GPATCH8: variants seen among roughly 807,000 people sequenced by gnomAD.
GPATCH8 encodes G patch domain-containing protein 8.
In GPATCH8, 18 loss-of-function variants were observed where a neutral mutation model predicts 118.3. The ratio of observed to expected loss-of-function variants is 0.15; its 90% CI spans 0.11 to 0.23. The LOEUF is 0.23. Among genes scored for constraint, GPATCH8 ranks in the 10% least tolerant of loss-of-function variants. The probability of loss-of-function intolerance (pLI) is 1.00; values close to 1 mark genes in which losing one functional copy is unlikely to be tolerated. For synonymous variants in GPATCH8, 659 were observed against 684.7 expected (o/e 0.96, Z 0.59); for missense variants, 1,631 against 1,873.8 (o/e 0.87, Z 2.39).
intron 1 of GPATCH8, among the ~76,000 whole-genome samples, chr17:44,494,562 A>G (rs1969521098): frequency 6.6e-6 from 1 of 152,196 alleles, no homozygotes; most frequent in Non-Finnish European, 1.5e-5. Flanking sequence ...ATTGCACTCC[A>G]GCCTGGGCAA....
At chr17:44,433,051 T>C (rs1400323825) in intron 5 of GPATCH8, among the ~76,000 whole-genome samples, 1 of 152,090 alleles carries the variant, frequency 6.6e-6, no homozygotes, top group Non-Finnish European at 1.5e-5. Flanking sequence ...TCTTGCTACA[T>C]TGCCCAGACT....
intron 3 of GPATCH8, 180 bp from the exon 4 acceptor site, chr17:44,436,725 C>T: frequency 1.6e-6 from 1 of 636,980 alleles, no homozygotes. Context: ...CTAGTTTAAA[C>T]CCAATTAACC....
intron 1 of GPATCH8, among the ~76,000 whole-genome samples, chr17:44,489,515 A>G (rs1327263848): frequency 6.6e-6 from 1 of 151,830 alleles, no homozygotes; most frequent in South Asian, 2.1e-4. Flanking sequence ...TAATTTTTGT[A>G]TTTTAGTAGA....
At position 44,503,317 on chromosome 17, in the gene GPATCH8, C is replaced by T. The variant is rs1488451178; in HGVS notation, c.45+9G>A. On this transcript the variant is annotated intron_variant, in intron 1 of 7. Transcript: ENST00000591680. The stretch of plus-strand genomic sequence containing the variant: ...CCTTCCCCGCATCCTCGGCGACGCC[C>T]GTGTTTACCTGAAAGTCTCGGTCTT... The T allele has an allele frequency of 6.2e-7, 1 of 1,608,814 alleles. No individual in the cohort carries two copies. The highest frequency in any genetic ancestry group is 1.1e-5 in the South Asian group (1 of 89,758).
chr17:44,418,584 A>G (rs2049776851), intron 6 of GPATCH8, among the ~76,000 whole-genome samples: 1 of 151,636 alleles, frequency 6.6e-6, no homozygotes, highest in Admixed American at 6.6e-5. Flanking sequence ...CCTCCCCAGT[A>G]GCTGGGACTA....
At chr17:44,433,416 T>A (rs1677884798) in intron 5 of GPATCH8, among the ~76,000 whole-genome samples, 1 of 152,184 alleles carries the variant, frequency 6.6e-6, no homozygotes, top group Admixed American at 6.5e-5. Context: ...ATAGACATAC[T>A]CTCTCTCCTC....
Position 44,474,898 on chromosome 17 carries a change from AT to A in GPATCH8, c.50del (p.Asn17IlefsTer22). ...RFNEDRDFQG[N>X]HFDQYEEGHL... ...GTCCTTCCTCATACTGATCAAAGTG[AT>A]TACCCTGAAAAAAGATGATTACAGT... On this transcript the variant is annotated frameshift_variant, in exon 2 of 8. Coordinates refer to ENST00000591680, the MANE Select transcript of GPATCH8 (RefSeq NM_001002909.4). LOFTEE classifies it high-confidence loss of function. 1 of 1,512,556 alleles carries A rather than the reference AT, an allele frequency of 6.6e-7. No homozygotes were observed. Among genetic ancestry groups the A allele is most frequent in the Non-Finnish European group, 9.2e-7 (1 of 1,087,714 alleles). The allele number at this position is 1,512,556 out of a possible 1,614,324, so 93.7% of individuals were successfully genotyped here. A position where few individuals can be genotyped will look rare whatever the true frequency, so the allele number is the denominator to read the frequency against.
At chr17:44,479,688 G>C (rs1234095274) in intron 1 of GPATCH8, among the ~76,000 whole-genome samples, 1 of 152,198 alleles carries the variant, frequency 6.6e-6, no homozygotes. Context: ...AAAATTGATG[G>C]CTGGGCAAGG....
intron 2 of GPATCH8, chr17:44,474,420 A>C: frequency 4.0e-6 from 1 of 252,424 alleles, no homozygotes; most frequent in Non-Finnish European, 7.8e-6. Context: ...TATAACATTT[A>C]AAAAAAAATT....
chr17:44,414,773 T>G (rs1207363373), intron 6 of GPATCH8, among the ~76,000 whole-genome samples: 4 of 152,244 alleles, frequency 2.6e-5, no homozygotes, highest in African/African-American at 9.6e-5. Flanking sequence ...AGGAATCTAC[T>G]AATCAGCTTT....
rs751788553 is a variant in GPATCH8, at chr17:44,424,458, G to C, written c.383C>G (p.Ala128Gly). ...AAAGTTGGCTCTGAGGTCTTCCAAGGCTTTGGCAATTGCCTTCTCTTTGTC... is the reference window on the plus strand; with the variant it reads ...AAAGTTGGCTCTGAGGTCTTCCAAGCCTTTGGCAATTGCCTTCTCTTTGTC... ...YVDKEKAIAK[A>G]LEDLRANFYC... Residue 128 changes from alanine to glycine, a missense_variant, in exon 6 of 8, where the codon GCC (alanine) becomes GGC (glycine). Physicochemically the swap from Ala to Gly is moderately conservative, Grantham distance 60. Coordinates refer to ENST00000591680, the MANE Select transcript of GPATCH8 (RefSeq NM_001002909.4). The C allele has an allele frequency of 6.2e-7, 1 of 1,606,862 alleles. No individual in the cohort carries two copies. The highest frequency in any genetic ancestry group is 1.1e-5 in the South Asian group (1 of 90,940).
rs1375002186 is a variant in GPATCH8 at position 44,395,736 on chromosome 17, G to A, written c.*1832C>T. On this transcript the variant is annotated 3_prime_UTR_variant, in exon 8 of 8. Coordinates refer to ENST00000591680, the MANE Select transcript of GPATCH8 (RefSeq NM_001002909.4). ...ACTCTTTTGAGAATTTGCGAAGGCA[G>A]GAACAGAGCCTTGGCCCAGGTAAGT... 9 of 454,010 alleles carry A rather than the reference G, an allele frequency of 2.0e-5. No individual in the cohort carries two copies. The highest frequency in any genetic ancestry group is 4.0e-5 in the Non-Finnish European group (9 of 226,804). The allele number at this position is 454,010 out of a possible 1,614,324, so 28.1% of individuals were successfully genotyped here.
intron 3 of GPATCH8, among the ~76,000 whole-genome samples, chr17:44,457,958 G>A (rs1162308759): frequency 2.0e-5 from 3 of 151,914 alleles, no homozygotes; most frequent in Non-Finnish European, 1.5e-5. Flanking sequence ...GGTGGCAGGC[G>A]CCTGAAGTCC....
At chr17:44,485,556 T>G (rs1381623127) in intron 1 of GPATCH8, among the ~76,000 whole-genome samples, 1 of 152,208 alleles carries the variant, frequency 6.6e-6, no homozygotes, top group Non-Finnish European at 1.5e-5. Context: ...CCTCCCAAAG[T>G]GCTGGGATTC....
chr17:44,406,829 T>C (rs531538126), intron 6 of GPATCH8, among the ~76,000 whole-genome samples: 1 of 152,326 alleles, frequency 6.6e-6, no homozygotes, highest in South Asian at 2.1e-4. Context: ...CAGAAGCTAC[T>C]GTATAATTTT....
At chr17:44,503,281 C>A (rs369532716) in intron 1 of GPATCH8, 45 bp downstream of exon 1, 30 of 1,555,544 alleles carry the variant, frequency 1.9e-5, no homozygotes, top group Non-Finnish European at 2.5e-5. Flanking sequence ...AGGTTCTGGG[C>A]TAGACCAGCG....
At chr17:44,460,766 G>A (rs950403123) in intron 3 of GPATCH8, among the ~76,000 whole-genome samples, 18 of 152,182 alleles carry the variant, frequency 1.2e-4, no homozygotes, top group African/African-American at 4.3e-4. Flanking sequence ...GATGCCTACT[G>A]TTTACACTAG....
chr17:44,468,741 T>G (rs1967027501), intron 2 of GPATCH8, among the ~76,000 whole-genome samples: 2 of 152,112 alleles, frequency 1.3e-5, no homozygotes, highest in African/African-American at 4.8e-5. Flanking sequence ...TTTTAAAAAC[T>G]CTGGTTAACA....
intron 1 of GPATCH8, among the ~76,000 whole-genome samples, chr17:44,477,624 CAA>C (rs1967879845): frequency 7.1e-6 from 1 of 140,974 alleles, no homozygotes; most frequent in African/African-American, 2.7e-5. Context: ...AATTGTATGG[CAA>C]AGTCTATCCA....
Sources: gnomAD v4.1 joint callset for allele counts (sites outside exome capture counted in the v4.1 genomes callset) on GRCh38, gnomAD v4.1.1 for gene constraint, MANE v1.5 for transcripts, NCBI Gene and HGNC (gene_info 2026-07-23, HGNC 2026-07-21) for gene names.